Variants in HNRNPR observed in about 807,000 individuals in gnomAD.
HNRNPR encodes heterogeneous nuclear ribonucleoprotein R.
HNRNPR carries 4 observed loss-of-function variants against 70.3 expected under a neutral mutation model. The observed-to-expected ratio is 0.06, with a 90% CI of 0.03 to 0.13. HNRNPR has a LOEUF of 0.13. Ranked by LOEUF, HNRNPR falls within the 10% of genes least tolerant of loss-of-function variation. The probability of loss-of-function intolerance (pLI) is 1.00; values close to 1 mark genes in which losing one functional copy is unlikely to be tolerated. For synonymous variants in HNRNPR, 241 were observed against 267.6 expected, an observed-to-expected ratio of 0.90 and a Z score of 0.97; for missense variants, 423 against 788.5, an observed-to-expected ratio of 0.54 and a Z score of 5.55.
chr1:23,315,034 C>T (rs1645476977), intron 8 of HNRNPR, among the ~76,000 whole-genome samples: 1 of 152,106 alleles, frequency 6.6e-6, no homozygotes, highest in Non-Finnish European at 1.5e-5. Flanking sequence ...AATCCCAGCA[C>T]TTTGGGAGGC....
chr1:23,332,155 GGAGAA>G (rs1438155942), intron 5 of HNRNPR, among the ~76,000 whole-genome samples: 2 of 151,934 alleles, frequency 1.3e-5, no homozygotes, highest in Non-Finnish European at 2.9e-5. Context: ...GGAGAGGGGA[GGAGAA>G]GAGAAGGAAG....
chr1:23,314,273 G>A (rs1402764598), intron 8 of HNRNPR, among the ~76,000 whole-genome samples: 2 of 152,104 alleles, frequency 1.3e-5, no homozygotes, highest in African/African-American at 2.4e-5. Context: ...AGGGAGGACT[G>A]TGAAATTTTA....
Position 23,305,775 on chromosome 1 carries a change from A to G in HNRNPR, c.*4679T>C, listed in dbSNP as rs568759060. 1.3e-5 allele frequency: 2 copies of G among 152,260 alleles called. No individual in the cohort carries two copies. Among genetic ancestry groups the G allele is most frequent in the African/African-American group, 4.8e-5 (2 of 41,586 alleles). The allele number at this position is 152,260 out of a possible 1,614,324, so 9.4% of individuals were successfully genotyped here. A position where few individuals can be genotyped will look rare whatever the true frequency, so the allele number is the denominator to read the frequency against. ...TACCCTAGCTTTCACACAAAACACA[A>G]GTTGTTCATAGGTTTATGTTTCTGC... On this transcript the variant is annotated 3_prime_UTR_variant, in exon 11 of 11. Transcript: ENST00000302271.
chr1:23,315,855 C>T (rs958300949), intron 8 of HNRNPR, among the ~76,000 whole-genome samples: 2 of 152,128 alleles, frequency 1.3e-5, no homozygotes, highest in Non-Finnish European at 2.9e-5. Context: ...CTCAATTTGT[C>T]ATACTAAGGT....
At position 23,313,571 on chromosome 1, in the gene HNRNPR, G is replaced by A; in HGVS notation, c.1149C>T (p.Asp383=). 6.4e-7 allele frequency: 1 copy of A among 1,566,112 alleles called. No homozygotes were observed. The highest frequency in any genetic ancestry group is 2.1e-5 in the Admixed American group (1 of 46,738). The part of the protein sequence containing the change: ...LKDYAFVHFE[D]RGAAVKAMDE... ...TTCCTACCTTAACAGCTGCTCCTCT[G>A]TCTTCAAAATGAACAAATGCATAAT... The change falls in exon 9 of 11, where the codon GAC becomes GAT. Residue 383 remains aspartate, a synonymous_variant. Transcript: ENST00000302271.
In HNRNPR at chr1:23,311,051, G is replaced by A. The variant is rs761504158; in HGVS notation, c.1305C>T (p.Tyr435=). ...ASRSTAYEDY[Y]YHPPPRMPPP... ...GTGGCATGCGAGGAGGAGGGTGGTA[G>A]TAATAATCTTCATACCTAGCAAAGT... The change falls in exon 11 of 11, where the codon TAC becomes TAT. Residue 435 remains tyrosine, a synonymous_variant. Coordinates refer to ENST00000302271, the MANE Select transcript of HNRNPR (RefSeq NM_005826.5). 32 of 1,613,928 alleles carry A rather than the reference G, an allele frequency of 2.0e-5. No homozygotes were observed. Among genetic ancestry groups the A allele is most frequent in the Admixed American group, 3.3e-5 (2 of 59,996 alleles).
At chr1:23,311,399 CTT>C in intron 9 of HNRNPR, 77 bp from the exon 10 acceptor site, 1 of 955,264 alleles carries the variant, frequency 1.0e-6, no homozygotes, top group Admixed American at 2.7e-5. Context: ...AGCTATTATA[CTT>C]GTGTAATTTA....
chr1:23,330,238 G>A (rs895639637), intron 5 of HNRNPR, among the ~76,000 whole-genome samples: 2 of 151,978 alleles, frequency 1.3e-5, no homozygotes, highest in African/African-American at 2.4e-5. Flanking sequence ...TAATGGAAAC[G>A]AGTACAAACA....
chr1:23,337,649 C>G, intron 4 of HNRNPR, 105 bp downstream of exon 4: 1 of 705,524 alleles, frequency 1.4e-6, no homozygotes, highest in Non-Finnish European at 2.3e-6. Context: ...AGCAAGACTC[C>G]GTCTCAAAAA....
chr1:23,342,340 G>C (rs1292156355), intron 1 of HNRNPR, among the ~76,000 whole-genome samples: 1 of 152,160 alleles, frequency 6.6e-6, no homozygotes, highest in African/African-American at 2.4e-5. Flanking sequence ...AGGTAATAGA[G>C]AGTAGGAAGA....
chr1:23,333,874 C>T (rs1373112702), intron 4 of HNRNPR, among the ~76,000 whole-genome samples: 3 of 152,116 alleles, frequency 2.0e-5, no homozygotes, highest in African/African-American at 7.2e-5. Context: ...CATGCAGCTT[C>T]TCTCATTTAC....
intron 9 of HNRNPR, among the ~76,000 whole-genome samples, chr1:23,312,229 T>A (rs987891510): frequency 1.3e-5 from 2 of 152,198 alleles, no homozygotes; most frequent in Non-Finnish European, 2.9e-5. Context: ...ACCTCAGCTT[T>A]GCGTTGCTTC....
intron 5 of HNRNPR, among the ~76,000 whole-genome samples, chr1:23,331,405 T>TTAAAAAAAAAA (rs1160009471): frequency 7.9e-6 from 1 of 127,240 alleles, no homozygotes; most frequent in Non-Finnish European, 1.6e-5. Context: ...CACAAAAAAT[T>TTAAAAAAAAAA]AAAAAAAAAA....
rs955585574 is a variant in HNRNPR at position 23,306,646 on chromosome 1, A to C, written c.*3808T>G. 1.3e-5 allele frequency: 2 copies of C among 152,072 alleles called. No homozygotes were observed. The highest frequency in any genetic ancestry group is 4.8e-5 in the African/African-American group (2 of 41,432). 9.4% of individuals were successfully genotyped at this position (152,072 alleles called of 1,614,324 possible). A position where few individuals can be genotyped will look rare whatever the true frequency, so the allele number is the denominator to read the frequency against. ...CAGAGCTTCTGGTAACCTCTAAATA[A>C]AAAAGTATATATATGTACTTTTATT... On this transcript the variant is annotated 3_prime_UTR_variant, in exon 11 of 11. Coordinates refer to ENST00000302271, the MANE Select transcript of HNRNPR (RefSeq NM_005826.5).
rs151191614 is a variant in HNRNPR at position 23,315,046 on chromosome 1, G to A, written c.1018-1344C>T. ...TGTAATCCCAGCACTTTGGGAGGCC[G>A]AGGTGGGCAGATCACCTGAGGTTGG... On this transcript the variant is annotated intron_variant, in intron 8 of 10. Transcript: ENST00000302271. 8.8e-3 allele frequency among the ~76,000 whole-genome samples: 1,341 copies of A among 152,198 alleles called. 26 individuals are homozygous for A. The highest frequency in any genetic ancestry group is 0.03 in the African/African-American group (1,255 of 41,530).
rs1223240223 is a variant in HNRNPR, at chr1:23,306,622, A to C, written c.*3832T>G. The C allele has an allele frequency of 6.6e-6, 1 of 152,092 alleles. No individual in the cohort carries two copies. Among genetic ancestry groups the C allele is most frequent in the African/African-American group, 2.4e-5 (1 of 41,438 alleles). The allele number at this position is 152,092 out of a possible 1,614,324, so 9.4% of individuals were successfully genotyped here. A position where few individuals can be genotyped will look rare whatever the true frequency, so the allele number is the denominator to read the frequency against. On this transcript the variant is annotated 3_prime_UTR_variant, in exon 11 of 11. Transcript: ENST00000302271. ...AAACAAAACAAAACAAAACAAAACC[A>C]GAGCTTCTGGTAACCTCTAAATAAA...
intron 8 of HNRNPR, among the ~76,000 whole-genome samples, chr1:23,317,156 G>A (rs1645575748): frequency 6.6e-6 from 1 of 152,092 alleles, no homozygotes. Flanking sequence ...CTCATTGCAA[G>A]CAGCAGAAAT....
rs1427648570 is a variant in HNRNPR at position 23,306,716 on chromosome 1, C to T, written c.*3738G>A. On this transcript the variant is annotated 3_prime_UTR_variant, in exon 11 of 11. Coordinates refer to ENST00000302271, the MANE Select transcript of HNRNPR (RefSeq NM_005826.5). Reference sequence around the variant, plus strand: ...TAGAAGGATTAACAATAATTAACTTCAAATTAAATATTATTAAATTGCTGA... The same window carrying T: ...TAGAAGGATTAACAATAATTAACTTTAAATTAAATATTATTAAATTGCTGA... 6.6e-6 allele frequency: 1 copy of T among 152,022 alleles called. No homozygotes were observed. Among genetic ancestry groups the T allele is most frequent in the African/African-American group, 2.4e-5 (1 of 41,412 alleles). 9.4% of individuals were successfully genotyped at this position (152,022 alleles called of 1,614,324 possible). A position where few individuals can be genotyped will look rare whatever the true frequency, so the allele number is the denominator to read the frequency against.
At chr1:23,321,836 C>T (rs1645771002) in intron 6 of HNRNPR, among the ~76,000 whole-genome samples, 173 bp from the exon 7 acceptor site, 1 of 152,182 alleles carries the variant, frequency 6.6e-6, no homozygotes, top group African/African-American at 2.4e-5. Context: ...TTGTTACAGT[C>T]TCTTGTTTTA....
Sources: gnomAD v4.1 joint callset for allele counts (sites outside exome capture counted in the v4.1 genomes callset) on GRCh38, gnomAD v4.1.1 for gene constraint, MANE v1.5 for transcripts, NCBI Gene and HGNC (gene_info 2026-07-23, HGNC 2026-07-21) for gene names.